Variants in NRXN3 observed in about 807,000 individuals in gnomAD.
NRXN3 encodes neurexin III.
A neutral mutation model predicts 137.6 loss-of-function variants in NRXN3; 32 were observed. That is an observed-to-expected ratio of 0.23 (90% CI 0.18 to 0.31). NRXN3 has a LOEUF of 0.31. Ranked by LOEUF, NRXN3 falls within the 10% of genes least tolerant of loss-of-function variation. The pLI is 1.00. For missense variants in NRXN3, 1,574 were observed against 2,062.5 expected, an observed-to-expected ratio of 0.76 and a Z score of 4.59; for synonymous variants, 798 against 784.5, an observed-to-expected ratio of 1.02 and a Z score of -0.29.
chr14:79,377,959 A>G (rs1327535191), intron 15 of NRXN3, among the ~76,000 whole-genome samples: 1 of 152,212 alleles, frequency 6.6e-6, no homozygotes, highest in Non-Finnish European at 1.5e-5. Flanking sequence ...ATGACATATT[A>G]GTTATACTCT....
chr14:78,588,875 A>G (rs1419945169), intron 4 of NRXN3, among the ~76,000 whole-genome samples: 1 of 152,244 alleles, frequency 6.6e-6, no homozygotes, highest in African/African-American at 2.4e-5. Flanking sequence ...CAACACAAAT[A>G]TAAAATAAAG....
At chr14:79,255,071 A>G (rs901930859) in intron 15 of NRXN3, among the ~76,000 whole-genome samples, 7 of 152,202 alleles carry the variant, frequency 4.6e-5, no homozygotes, top group Admixed American at 1.3e-4. Flanking sequence ...TAACAGACCA[A>G]TTAAAGACGA....
At chr14:79,294,908 C>T (rs1013505026) in intron 15 of NRXN3, among the ~76,000 whole-genome samples, 1 of 152,090 alleles carries the variant, frequency 6.6e-6, no homozygotes, top group Admixed American at 6.6e-5. Flanking sequence ...GCATTTTCAA[C>T]CATATCACCT....
chr14:79,693,568 A>G (rs2098724019), intron 18 of NRXN3, among the ~76,000 whole-genome samples: 1 of 151,962 alleles, frequency 6.6e-6, no homozygotes, highest in Non-Finnish European at 1.5e-5. Flanking sequence ...GTGCCTGAGA[A>G]ACCTTTTTGT....
intron 20 of NRXN3, among the ~76,000 whole-genome samples, chr14:79,831,426 G>A (rs1603617872): frequency 1.3e-5 from 2 of 152,302 alleles, no homozygotes; most frequent in East Asian, 3.9e-4. Context: ...ACAAAGGCTT[G>A]ACGATTGCCC....
chr14:79,711,206 T>G (rs2098802845), intron 19 of NRXN3, among the ~76,000 whole-genome samples: 1 of 152,176 alleles, frequency 6.6e-6, no homozygotes, highest in Admixed American at 6.5e-5. Context: ...CTTCTTGTGT[T>G]GGTTTGAGAT....
chr14:78,876,945 A>G (rs1299187333), intron 10 of NRXN3, among the ~76,000 whole-genome samples: 1 of 152,216 alleles, frequency 6.6e-6, no homozygotes, highest in Non-Finnish European at 1.5e-5. Context: ...ACTAGAGCCT[A>G]GCAAATCATT....
In NRXN3 at chr14:78,807,605, C is replaced by T. The variant is rs951282114; in HGVS notation, c.2249-2713C>T. Among the ~76,000 whole-genome samples, 12 of 151,438 alleles carry T rather than the reference C, an allele frequency of 7.9e-5. No homozygotes were observed. In the South Asian group the frequency reaches 8.4e-4, roughly 11 times the overall value. The stretch of plus-strand genomic sequence containing the variant: ...CAAAAATTACCTGGGCTTGGTGGTG[C>T]GTGCCTGTGATCCCAGCTACTCGAG... On this transcript the variant is annotated intron_variant, in intron 9 of 20. Coordinates refer to ENST00000335750, the MANE Select transcript of NRXN3 (RefSeq NM_001330195.2).
chr14:79,554,013 A>C (rs1393183788), intron 16 of NRXN3, among the ~76,000 whole-genome samples: 1 of 152,200 alleles, frequency 6.6e-6, no homozygotes, highest in East Asian at 1.9e-4. Flanking sequence ...GCTTTGGGGA[A>C]GTGAAACCCA....
At chr14:79,216,893 T>A (rs899591890) in intron 15 of NRXN3, among the ~76,000 whole-genome samples, 25 of 152,058 alleles carry the variant, frequency 1.6e-4, no homozygotes, top group African/African-American at 4.3e-4. Context: ...TCCCAGCACT[T>A]TGGGAGGCTG....
intron 4 of NRXN3, among the ~76,000 whole-genome samples, chr14:78,567,755 C>T (rs897577906): frequency 1.3e-5 from 2 of 151,792 alleles, no homozygotes; most frequent in African/African-American, 4.8e-5. Flanking sequence ...TGATGTCAGC[C>T]CTGACTACCC....
chr14:79,100,306 A>G (rs530233254), intron 15 of NRXN3, among the ~76,000 whole-genome samples: 2 of 152,336 alleles, frequency 1.3e-5, no homozygotes, highest in African/African-American at 2.4e-5. Flanking sequence ...CAAAAAATGG[A>G]GTTACTTTGA....
chr14:78,542,424 A>G (rs2096599104), intron 4 of NRXN3, among the ~76,000 whole-genome samples: 1 of 152,158 alleles, frequency 6.6e-6, no homozygotes. Flanking sequence ...CCAGGCTGCC[A>G]CCTTGCAGTT....
chr14:78,252,058 A>G (rs909560364), intron 2 of NRXN3, among the ~76,000 whole-genome samples: 8 of 152,182 alleles, frequency 5.3e-5, no homozygotes, highest in Admixed American at 1.3e-4. Context: ...TTTAAAAACA[A>G]TACGGGACTC....
At chr14:78,194,589 C>G (rs897441539) in intron 1 of NRXN3, among the ~76,000 whole-genome samples, 1 of 152,096 alleles carries the variant, frequency 6.6e-6, no homozygotes, top group Non-Finnish European at 1.5e-5. Flanking sequence ...AGGGAGGACC[C>G]GCTCATCTAC....
At chr14:78,747,378 T>A (rs2098614349) in intron 8 of NRXN3, among the ~76,000 whole-genome samples, 1 of 152,208 alleles carries the variant, frequency 6.6e-6, no homozygotes, top group African/African-American at 2.4e-5. Flanking sequence ...CCCTTCCTAT[T>A]TTCTCACCAA....
Position 79,353,353 on chromosome 14 carries a change from A to G in NRXN3, c.3263-113868A>G, listed in dbSNP as rs115764123. On this transcript the variant is annotated intron_variant, in intron 15 of 20. Transcript: ENST00000335750. Reference sequence around the variant, plus strand: ...CCTTTTTCTTTTTAATGAACATATAATGAGTATGTATTAAGGGGAAGATAT... The same window carrying G: ...CCTTTTTCTTTTTAATGAACATATAGTGAGTATGTATTAAGGGGAAGATAT... Among the ~76,000 whole-genome samples the G allele has an allele frequency of 6.4e-3, 981 of 152,184 alleles. 8 individuals carry two copies. The highest frequency in any genetic ancestry group is 0.022 in the African/African-American group (931 of 41,552).
chr14:78,976,867 T>C (rs1167070194), intron 14 of NRXN3, among the ~76,000 whole-genome samples: 1 of 152,204 alleles, frequency 6.6e-6, no homozygotes, highest in East Asian at 1.9e-4. Context: ...TATTGTCCTT[T>C]CTAGCAGAAT....
intron 15 of NRXN3, among the ~76,000 whole-genome samples, chr14:79,105,887 GC>G (rs2052340555): frequency 6.6e-6 from 1 of 151,944 alleles, no homozygotes; most frequent in South Asian, 2.1e-4. Flanking sequence ...ATTTAGTCTA[GC>G]TTTTCTTTCT....
Sources: gnomAD v4.1 joint callset for allele counts (sites outside exome capture counted in the v4.1 genomes callset) on GRCh38, gnomAD v4.1.1 for gene constraint, MANE v1.5 for transcripts, NCBI Gene and HGNC (gene_info 2026-07-23, HGNC 2026-07-21) for gene names.